Variants in PCDHGA11 observed in about 807,000 individuals in gnomAD.
The protein encoded by PCDHGA11 is protocadherin gamma-A11.
In PCDHGA11, 39 loss-of-function variants were observed where a neutral mutation model predicts 60.4. That is an observed-to-expected ratio of 0.65 (90% CI 0.50 to 0.84). The LOEUF (loss-of-function observed/expected upper bound fraction) is 0.84. PCDHGA11 is among the 40% of genes least tolerant of loss of function. PCDHGA11 has a pLI of 0.00. For missense variants in PCDHGA11, 1,165 were observed against 1,197.7 expected, an observed-to-expected ratio of 0.97 and a Z score of 0.40; for synonymous variants, 533 against 510.3, an observed-to-expected ratio of 1.04 and a Z score of -0.60.
At chr5:141,447,370 C>A (rs2098536615) in intron 1 of PCDHGA11, among the ~76,000 whole-genome samples, 1 of 151,612 alleles carries the variant, frequency 6.6e-6, no homozygotes, top group African/African-American at 2.4e-5. Context: ...AACTCCTGAC[C>A]CTGGTGATCT....
chr5:141,492,316 G>C (rs1283387204), intron 1 of PCDHGA11, among the ~76,000 whole-genome samples: 1 of 152,190 alleles, frequency 6.6e-6, no homozygotes. Context: ...CGCACTCCTC[G>C]CACGTGGGCT....
At chr5:141,441,386 G>A (rs2098243752) in intron 1 of PCDHGA11, 1 of 153,358 alleles carries the variant, frequency 6.5e-6, no homozygotes, top group African/African-American at 2.4e-5. Flanking sequence ...ACAGACCCAA[G>A]GTATAACATC....
chr5:141,511,695 C>A lies in PCDHGA11; in HGVS notation c.*522C>A, dbSNP rs1009832192. The A allele has an allele frequency of 9.7e-5, 19 of 195,544 alleles. No individual in the cohort carries two copies. The highest frequency in any genetic ancestry group is 1.7e-4 in the Non-Finnish European group (16 of 92,634). 12.1% of individuals were successfully genotyped at this position (195,544 alleles called of 1,614,324 possible). A position where few individuals can be genotyped will look rare whatever the true frequency, so the allele number is the denominator to read the frequency against. On this transcript the variant is annotated 3_prime_UTR_variant, in exon 4 of 4. Transcript: ENST00000398587. ...CTTCCCCCAAAGCATGGTTTGGTGC[C>A]AGCCCCTTCACCTCCTTCCAGAGCC...
intron 1 of PCDHGA11, chr5:141,433,149 C>A (rs758972664): frequency 1.2e-6 from 2 of 1,613,856 alleles, no homozygotes; most frequent in Non-Finnish European, 1.7e-6. Context: ...TCAGGTGATT[C>A]GGTATTTTCT....
chr5:141,421,811 T>A lies in PCDHGA11; in HGVS notation c.584T>A (p.Leu195Gln). The A allele has an allele frequency of 6.2e-7, 1 of 1,613,766 alleles. No homozygotes were observed. The highest frequency in any genetic ancestry group is 8.5e-7 in the Non-Finnish European group (1 of 1,179,884). The change falls in exon 1 of 4, where the codon CTA becomes CAA. Residue 195 changes from leucine to glutamine, a missense_variant. Leu to Gln is a moderately radical substitution (Grantham distance 113). Transcript: ENST00000398587. ...ACGGATGGGGCCAAGAATCCAGAGC[T>A]AGTACTGGAGGGAAGCCTGGACCGA... ...GRTDGAKNPE[L>Q]VLEGSLDREK...
intron 2 of PCDHGA11, among the ~76,000 whole-genome samples, chr5:141,503,458 G>A (rs948221006): frequency 2.0e-5 from 3 of 152,018 alleles, no homozygotes; most frequent in Non-Finnish European, 4.4e-5. Flanking sequence ...CGCTGGGCAT[G>A]GTGGCATGTG....
chr5:141,448,099 T>C (rs1002430560), intron 1 of PCDHGA11, among the ~76,000 whole-genome samples: 1 of 151,272 alleles, frequency 6.6e-6, no homozygotes, highest in African/African-American at 2.4e-5. Context: ...AAAAAAAAAA[T>C]TAAAAGAAAA....
intron 2 of PCDHGA11, among the ~76,000 whole-genome samples, chr5:141,504,036 G>T (rs1472706342): frequency 6.6e-6 from 1 of 152,080 alleles, no homozygotes; most frequent in African/African-American, 2.4e-5. Flanking sequence ...ACTCATTTAG[G>T]CAACAAATAT....
chr5:141,433,042 G>T (rs752612411), intron 1 of PCDHGA11: 10 of 1,614,024 alleles, frequency 6.2e-6, no homozygotes, highest in East Asian at 4.5e-5. Flanking sequence ...CCCTCACCAC[G>T]GACTCGCGGA....
At chr5:141,462,280 C>T (rs927977920) in intron 1 of PCDHGA11, among the ~76,000 whole-genome samples, 15 of 152,146 alleles carry the variant, frequency 9.9e-5, no homozygotes, top group African/African-American at 3.4e-4. Context: ...TGTTTAGTCA[C>T]CAAATATGTA....
intron 1 of PCDHGA11, among the ~76,000 whole-genome samples, chr5:141,488,133 G>T (rs1046071550): frequency 6.6e-6 from 1 of 152,198 alleles, no homozygotes; most frequent in Non-Finnish European, 1.5e-5. Context: ...AGAAAGAGGA[G>T]AGAACTAAAG....
chr5:141,491,966 G>A lies in PCDHGA11; in HGVS notation c.2434-2841G>A. 1.1e-6 allele frequency: 1 copy of A among 943,066 alleles called. No individual in the cohort carries two copies. Among genetic ancestry groups the A allele is most frequent in the Non-Finnish European group, 1.5e-6 (1 of 669,210 alleles). The allele number at this position is 943,066 out of a possible 1,614,324, so 58.4% of individuals were successfully genotyped here. On this transcript the variant is annotated intron_variant, in intron 1 of 3. Coordinates refer to ENST00000398587, the MANE Select transcript of PCDHGA11 (RefSeq NM_018914.3). The surrounding 1 kb of genome is among the most constrained non-coding windows in gnomAD (Gnocchi z 6.9). ...CCACCCCTACACTCAAAAAAGGCCG[G>A]GGCCTCCTTCGAGCTTCCGGTGAAT...
chr5:141,439,363 A>G (rs922889903), intron 1 of PCDHGA11, among the ~76,000 whole-genome samples: 2 of 152,208 alleles, frequency 1.3e-5, no homozygotes, highest in African/African-American at 2.4e-5. Context: ...TCAAACATCA[A>G]GAAGAAATAA....
Position 141,489,980 on chromosome 5 carries a change from T to G in PCDHGA11, c.2434-4827T>G, listed in dbSNP as rs2099694325. 1.2e-6 allele frequency: 2 copies of G among 1,614,204 alleles called. No individual in the cohort carries two copies. The highest frequency in any genetic ancestry group is 1.7e-6 in the Non-Finnish European group (2 of 1,180,012). On this transcript the variant is annotated intron_variant, in intron 1 of 3. Transcript: ENST00000398587. This position sits in a 1 kb window ranked among gnomAD's most constrained non-coding sequence, Gnocchi z 4.5. ...GCTCCAACCTTCCAATCCTCAGTTC[T>G]ACGTGTGGGAATCCCAGAGAATGCA...
At chr5:141,433,935 T>G (rs2097665519) in intron 1 of PCDHGA11, among the ~76,000 whole-genome samples, 2 of 152,150 alleles carry the variant, frequency 1.3e-5, no homozygotes, top group African/African-American at 2.4e-5. Context: ...GATTTTATAA[T>G]TCCATTGTTT....
In PCDHGA11 at chr5:141,432,487, G is replaced by A; in HGVS notation, c.2433+8827G>A. On this transcript the variant is annotated intron_variant, in intron 1 of 3. Coordinates refer to ENST00000398587, the MANE Select transcript of PCDHGA11 (RefSeq NM_018914.3). This position sits in a 1 kb window ranked among gnomAD's most constrained non-coding sequence, Gnocchi z 6.0. ...CCACGGACGGTTCCACTGGCGTGGA[G>A]CTGGCTCCCCGCTCCGCAGAGCCCG... 1.2e-6 allele frequency: 2 copies of A among 1,614,208 alleles called. No homozygotes were observed. The highest frequency in any genetic ancestry group is 2.2e-5 in the East Asian group (1 of 44,874).
At chr5:141,471,021 A>C (rs1399168691) in intron 1 of PCDHGA11, among the ~76,000 whole-genome samples, 1 of 136,940 alleles carries the variant, frequency 7.3e-6, no homozygotes, top group African/African-American at 2.7e-5. Flanking sequence ...CTGGTCAATC[A>C]TTTTTATTAA....
In PCDHGA11 at chr5:141,489,872, T is replaced by A. The variant is rs2099693206; in HGVS notation, c.2434-4935T>A. 1 of 1,614,090 alleles carries A rather than the reference T, an allele frequency of 6.2e-7. No homozygotes were observed. The highest frequency in any genetic ancestry group is 8.5e-7 in the Non-Finnish European group (1 of 1,180,016). On this transcript the variant is annotated intron_variant, in intron 1 of 3. Coordinates refer to ENST00000398587, the MANE Select transcript of PCDHGA11 (RefSeq NM_018914.3). The surrounding 1 kb of genome is among the most constrained non-coding windows in gnomAD (Gnocchi z 4.5). ...GAAGCCCAGGCAAGACATCAGCTGG[T>A]GCTTACTGCTGTGGATGGGGGGACC...
In PCDHGA11 at chr5:141,485,269, C is replaced by T. The variant is rs760197007; in HGVS notation, c.2434-9538C>T. The T allele has an allele frequency of 6.2e-7, 1 of 1,614,090 alleles. No homozygotes were observed. Among genetic ancestry groups the T allele is most frequent in the Admixed American group, 1.7e-5 (1 of 60,028 alleles). On this transcript the variant is annotated intron_variant, in intron 1 of 3. Transcript: ENST00000398587. The surrounding 1 kb of genome is among the most constrained non-coding windows in gnomAD (Gnocchi z 5.7). ...TGGGTTACGTTTGTGGGCAGATCCG[C>T]TACCCGGTCCCAGAGGAGTCACAGG... is the stretch of plus-strand genomic sequence containing the variant.
Sources: allele counts gnomAD v4.1 joint callset (sites outside exome capture counted in the v4.1 genomes callset), GRCh38; gene constraint gnomAD v4.1.1; non-coding constraint Gnocchi (gnomAD v3.1); transcripts MANE v1.5; gene names NCBI Gene and HGNC (gene_info 2026-07-23, HGNC 2026-07-21).